Variants in FMN2 observed in about 807,000 individuals in gnomAD.
FMN2 encodes formin-2.
Under a neutral mutation model 142.3 loss-of-function variants are expected in FMN2, and 51 were observed. That is an observed-to-expected ratio of 0.36 (90% CI 0.29 to 0.45). The LOEUF (loss-of-function observed/expected upper bound fraction) is 0.45. Among genes scored for constraint, FMN2 ranks in the 20% least tolerant of loss-of-function variants. The probability of loss-of-function intolerance (pLI) is 1.00; values close to 1 mark genes in which losing one functional copy is unlikely to be tolerated. For synonymous variants in FMN2, 882 were observed against 869.8 expected, an observed-to-expected ratio of 1.01 and a Z score of -0.25; for missense variants, 1,936 against 2,122.8, an observed-to-expected ratio of 0.91 and a Z score of 1.73.
chr1:240,415,344 A>C (rs1674542431), intron 15 of FMN2, among the ~76,000 whole-genome samples: 1 of 152,084 alleles, frequency 6.6e-6, no homozygotes, highest in African/African-American at 2.4e-5. Context: ...GTGAGAACTC[A>C]TGGACACAGG....
intron 15 of FMN2, 117 bp from the exon 16 acceptor site, chr1:240,437,944 G>A: frequency 7.8e-7 from 1 of 1,289,838 alleles, no homozygotes. Context: ...AAGAGCTTGA[G>A]TCCTCTTGGT....
chr1:240,110,820 T>TA (rs1352748017), intron 1 of FMN2, among the ~76,000 whole-genome samples: 2 of 151,516 alleles, frequency 1.3e-5, no homozygotes, highest in Non-Finnish European at 2.9e-5. Context: ...CCCTTTTTTT[T>TA]AAAAAAAATT....
At chr1:240,253,521 T>G (rs1156339468) in intron 6 of FMN2, among the ~76,000 whole-genome samples, 1 of 152,222 alleles carries the variant, frequency 6.6e-6, no homozygotes, top group Non-Finnish European at 1.5e-5. Context: ...TTTGTATTGT[T>G]TATATGAATT....
At chr1:240,328,168 A>AAAAAAAAAAAAAAAAAAAAG (rs1553363688) in intron 8 of FMN2, among the ~76,000 whole-genome samples, 1 of 135,878 alleles carries the variant, frequency 7.4e-6, no homozygotes, top group Non-Finnish European at 1.6e-5. Context: ...AAAAAAAAAA[A>AAAAAAAAAAAAAAAAAAAAG]AAAAGAAAAA....
At position 240,109,005 on chromosome 1, in the gene FMN2, C is replaced by T. The variant is rs1199673761; in HGVS notation, c.1616-14174C>T. On this transcript the variant is annotated intron_variant, in intron 1 of 17. Coordinates refer to ENST00000319653, the MANE Select transcript of FMN2 (RefSeq NM_020066.5). ...GAGCCGAGATCCTGCCATTGCACTC[C>T]AGCCTGGGCAACAGAGCGAGACTCT... Among the ~76,000 whole-genome samples, 2 of 152,140 alleles carry T rather than the reference C, an allele frequency of 1.3e-5. 1 individual carries two copies. The highest frequency in any genetic ancestry group is 1.3e-4 in the Admixed American group (2 of 15,276).
intron 17 of FMN2, 88 bp downstream of exon 17, chr1:240,472,541 A>G: frequency 1.2e-6 from 1 of 829,852 alleles, no homozygotes; most frequent in South Asian, 2.0e-5. Flanking sequence ...TATTTTAATT[A>G]TTTTTCTACT....
chr1:240,390,030 T>C (rs1673552934), intron 14 of FMN2, among the ~76,000 whole-genome samples: 3 of 152,216 alleles, frequency 2.0e-5, no homozygotes, highest in Admixed American at 1.3e-4. Flanking sequence ...TATCTCTGTT[T>C]TTCCATAAAA....
At chr1:240,119,216 C>T (rs1258926584) in intron 1 of FMN2, among the ~76,000 whole-genome samples, 2 of 151,730 alleles carry the variant, frequency 1.3e-5, no homozygotes, top group Non-Finnish European at 2.9e-5. Context: ...GTAATCCCGG[C>T]TACTCAGGAG....
intron 2 of FMN2, among the ~76,000 whole-genome samples, chr1:240,177,278 A>G (rs1664956108): frequency 6.6e-6 from 1 of 151,804 alleles, no homozygotes; most frequent in Non-Finnish European, 1.5e-5. Flanking sequence ...TAGGTATAGT[A>G]CTAGCTGCTT....
chr1:240,218,160 G>A (rs1666973311), intron 6 of FMN2, among the ~76,000 whole-genome samples: 1 of 151,842 alleles, frequency 6.6e-6, no homozygotes, highest in Non-Finnish European at 1.5e-5. Context: ...GCATGCGCCT[G>A]TAGTCCCAGA....
At chr1:240,101,709 ATTTTTTT>A (rs776711940) in intron 1 of FMN2, among the ~76,000 whole-genome samples, 1 of 137,890 alleles carries the variant, frequency 7.3e-6, no homozygotes, top group African/African-American at 2.7e-5. Flanking sequence ...TGCCTGGCTA[ATTTTTTT>A]TTTTTTTTTT....
chr1:240,092,312 C>T lies in FMN2; in HGVS notation c.203C>T (p.Ser68Phe). 1.2e-6 allele frequency: 2 copies of T among 1,601,624 alleles called. No homozygotes were observed. The highest frequency in any genetic ancestry group is 1.7e-5 in the Admixed American group (1 of 59,352). Reference protein sequence around the residue: ...GGESGKKKSKSDSRASVFSNL... With the variant: ...GGESGKKKSKFDSRASVFSNL... ...GAGTCGGGCAAGAAGAAGAGCAAGT[C>T]CGACTCCAGAGCCTCGGTGTTTTCC... The change falls in exon 1 of 18, where the codon TCC becomes TTC. Residue 68 changes from serine to phenylalanine, a missense_variant. Physicochemically the swap from Ser to Phe is radical, Grantham distance 155 (BLOSUM62 -2). This residue lies in a region of FMN2 where 751 missense variants were observed against 791.8 expected (regional missense o/e 0.95). Coordinates refer to ENST00000319653, the MANE Select transcript of FMN2 (RefSeq NM_020066.5).
chr1:240,390,221 C>T (rs894007809), intron 14 of FMN2, among the ~76,000 whole-genome samples: 17 of 152,074 alleles, frequency 1.1e-4, no homozygotes, highest in Non-Finnish European at 2.4e-4. Context: ...ACCCAAATCC[C>T]GTTAGCTTCA....
chr1:240,193,564 G>A (rs2103357479), intron 4 of FMN2, among the ~76,000 whole-genome samples: 1 of 152,336 alleles, frequency 6.6e-6, no homozygotes. Context: ...AGTAAAGGTA[G>A]AAAATTGGAA....
At chr1:240,144,306 A>C in intron 2 of FMN2, 1 of 1,607,454 alleles carries the variant, frequency 6.2e-7, no homozygotes. Flanking sequence ...CTGCCCCCAA[A>C]CCTGTTGTTC....
chr1:240,306,812 G>A (rs1160262720), intron 8 of FMN2, among the ~76,000 whole-genome samples: 1 of 152,116 alleles, frequency 6.6e-6, no homozygotes, highest in African/African-American at 2.4e-5. Context: ...TTAGTTCATT[G>A]GGAAATCTCC....
At chr1:240,104,226 C>T (rs973795927) in intron 1 of FMN2, among the ~76,000 whole-genome samples, 1 of 149,738 alleles carries the variant, frequency 6.7e-6, no homozygotes, top group Admixed American at 6.7e-5. Flanking sequence ...ATATAATAGA[C>T]ATTATATATA....
At position 240,123,077 on chromosome 1, in the gene FMN2, G is replaced by A. The variant is rs1398569118; in HGVS notation, c.1616-102G>A. 6 of 1,271,628 alleles carry A rather than the reference G, an allele frequency of 4.7e-6. No homozygotes were observed. In the South Asian group the frequency reaches 5.7e-5, roughly 12 times the overall value. 78.8% of individuals were successfully genotyped at this position (1,271,628 alleles called of 1,614,324 possible). A position where few individuals can be genotyped will look rare whatever the true frequency, so the allele number is the denominator to read the frequency against. On this transcript the variant is annotated intron_variant, in intron 1 of 17. Transcript: ENST00000319653. Reference sequence around the variant, plus strand: ...CTGCGCTGTCAGTAGCCTTGGAAACGGTGTTGTTCCCTGGCAGTGTTTACC... The same window carrying A: ...CTGCGCTGTCAGTAGCCTTGGAAACAGTGTTGTTCCCTGGCAGTGTTTACC...
chr1:240,210,633 G>A (rs1486120681), intron 5 of FMN2, among the ~76,000 whole-genome samples: 2 of 152,188 alleles, frequency 1.3e-5, no homozygotes, highest in African/African-American at 4.8e-5. Flanking sequence ...ACACGAATCT[G>A]CAGTCACTGA....
Sources: gnomAD v4.1 joint callset for allele counts (sites outside exome capture counted in the v4.1 genomes callset) on GRCh38, gnomAD v4.1.1 for gene constraint, gnomAD v4.1.1 regional missense constraint, MANE v1.5 for transcripts, NCBI Gene and HGNC (gene_info 2026-07-23, HGNC 2026-07-21) for gene names.